RPAP3: variants seen among roughly 807,000 people sequenced by gnomAD.
RPAP3 encodes RNA polymerase II associated protein 3, also known as RNA polymerase II-associated protein 3.
In RPAP3, 58 loss-of-function variants were observed where a neutral mutation model predicts 88.8. That is an observed-to-expected ratio of 0.65 (90% CI 0.53 to 0.81). RPAP3 has a LOEUF of 0.81. Ranked by LOEUF, RPAP3 falls within the 40% of genes least tolerant of loss-of-function variation. The pLI is 0.00. For synonymous variants in RPAP3, 255 were observed against 259.9 expected (o/e 0.98, Z 0.18); for missense variants, 751 against 764.3 (o/e 0.98, Z 0.20).
intron 12 of RPAP3, among the ~76,000 whole-genome samples, chr12:47,677,615 C>G (rs565591919): frequency 6.6e-6 from 1 of 152,034 alleles, no homozygotes; most frequent in South Asian, 2.1e-4. Flanking sequence ...AGCAGAGAGA[C>G]AAATCATGAG....
At chr12:47,668,144 G>A (rs552795897) in intron 14 of RPAP3, among the ~76,000 whole-genome samples, 3 of 152,284 alleles carry the variant, frequency 2.0e-5, no homozygotes, top group African/African-American at 7.2e-5. Flanking sequence ...GCGGTGAGCT[G>A]AGATTGCGTC....
chr12:47,667,098 T>C lies in RPAP3; in HGVS notation c.1812-18A>G, dbSNP rs1343720466. The C allele has an allele frequency of 3.4e-6, 4 of 1,168,746 alleles. No individual in the cohort carries two copies. Among genetic ancestry groups the C allele is most frequent in the Admixed American group, 2.8e-5 (1 of 35,356 alleles). 72.4% of individuals were successfully genotyped at this position (1,168,746 alleles called of 1,614,324 possible). ...TTTCTTTCCTGAAATAATCCAAATATAGAAACAAATGATCAGTTAAAAGCA... is the reference window on the plus strand; with the variant it reads ...TTTCTTTCCTGAAATAATCCAAATACAGAAACAAATGATCAGTTAAAAGCA... On this transcript the variant is annotated intron_variant, in intron 15 of 16. Transcript: ENST00000005386.
In RPAP3 at chr12:47,690,589, C is replaced by T. The variant is rs555701427; in HGVS notation, c.596G>A (p.Ser199Asn). The change falls in exon 6 of 17, where the codon AGT (serine) becomes AAT (asparagine). Residue 199 changes from serine (S) to asparagine (N), a missense_variant. Transcript: ENST00000005386. ...DCNLAVALNR[S>N]YTKAYSRRGA... The stretch of plus-strand genomic sequence containing the variant: ...TCGTCTGGAATAAGCCTTTGTATAA[C>T]TTCTATTCAAGGCAACTGCTAAATT... The T allele has an allele frequency of 2.3e-5, 36 of 1,594,914 alleles. No homozygotes were observed. In the African/African-American group the frequency reaches 4.7e-4, roughly 21 times the overall value.
At chr12:47,686,750 G>C in intron 9 of RPAP3, 30 bp downstream of exon 9, 2 of 1,446,968 alleles carry the variant, frequency 1.4e-6, no homozygotes, top group Non-Finnish European at 1.8e-6. Flanking sequence ...TTTTTATCCT[G>C]AACAGCACTA....
At chr12:47,679,053 G>A (rs567222859) in intron 12 of RPAP3, among the ~76,000 whole-genome samples, 13 of 152,270 alleles carry the variant, frequency 8.5e-5, no homozygotes, top group African/African-American at 1.4e-4. Context: ...TATACACCAC[G>A]GAATACTATG....
chr12:47,663,649 G>C, intron 16 of RPAP3, 59 bp from the exon 17 acceptor site: 1 of 1,029,846 alleles, frequency 9.7e-7, no homozygotes, highest in East Asian at 2.5e-5. Context: ...CAAGCAAAAT[G>C]TAAATTAAAA....
At chr12:47,687,009 T>C in intron 8 of RPAP3, 102 bp from the exon 9 acceptor site, 3 of 670,792 alleles carry the variant, frequency 4.5e-6, no homozygotes, top group South Asian at 3.0e-5. Context: ...ACCAACAGTA[T>C]TTCAAGAAAG....
rs750869699 is a variant in RPAP3 at position 47,690,654 on chromosome 12, C to T, written c.546-15G>A. Reference sequence around the variant, plus strand: ...CAACAGCAAATCTGCAATTTAAAAACATTAAAATAAATAAAGTTAATAAAA... The same window carrying T: ...CAACAGCAAATCTGCAATTTAAAAATATTAAAATAAATAAAGTTAATAAAA... On this transcript the variant is annotated splice_polypyrimidine_tract_variant and intron_variant, in intron 5 of 16. Coordinates refer to ENST00000005386, the MANE Select transcript of RPAP3 (RefSeq NM_024604.3). 1 of 1,432,364 alleles carries T rather than the reference C, an allele frequency of 7.0e-7. No individual in the cohort carries two copies. The highest frequency in any genetic ancestry group is 9.3e-7 in the Non-Finnish European group (1 of 1,073,618). 88.7% of individuals were successfully genotyped at this position (1,432,364 alleles called of 1,614,324 possible). A position where few individuals can be genotyped will look rare whatever the true frequency, so the allele number is the denominator to read the frequency against.
intron 2 of RPAP3, among the ~76,000 whole-genome samples, chr12:47,701,998 A>T (rs997318304): frequency 2.6e-5 from 4 of 152,222 alleles, no homozygotes; most frequent in African/African-American, 9.6e-5. Flanking sequence ...ATGCAGTCTT[A>T]AGAAAAACTT....
chr12:47,698,747 A>G (rs1939586947), intron 3 of RPAP3, among the ~76,000 whole-genome samples: 1 of 152,182 alleles, frequency 6.6e-6, no homozygotes, highest in Non-Finnish European at 1.5e-5. Flanking sequence ...CCTAAGCCCA[A>G]GCAATCTGCC....
At chr12:47,679,851 T>G in intron 10 of RPAP3, 77 bp from the exon 11 acceptor site, 1 of 1,007,626 alleles carries the variant, frequency 9.9e-7, no homozygotes, top group Non-Finnish European at 1.5e-6. Flanking sequence ...ATTCATGATA[T>G]ATTCAGTTAG....
rs888137118 is a variant in RPAP3 at position 47,662,542 on chromosome 12, A to G, written c.*963T>C. 2 of 152,184 alleles carry G rather than the reference A, an allele frequency of 1.3e-5. No homozygotes were observed. Among genetic ancestry groups the G allele is most frequent in the African/African-American group, 4.8e-5 (2 of 41,466 alleles). 9.4% of individuals were successfully genotyped at this position (152,184 alleles called of 1,614,324 possible). A position where few individuals can be genotyped will look rare whatever the true frequency, so the allele number is the denominator to read the frequency against. ...GATAACAATTAAAGGATGGTGTCCTAATATTTTTTAACAACTTGATAGTCT... is the reference window on the plus strand; with the variant it reads ...GATAACAATTAAAGGATGGTGTCCTGATATTTTTTAACAACTTGATAGTCT... On this transcript the variant is annotated 3_prime_UTR_variant, in exon 17 of 17. Coordinates refer to ENST00000005386, the MANE Select transcript of RPAP3 (RefSeq NM_024604.3).
intron 12 of RPAP3, among the ~76,000 whole-genome samples, chr12:47,671,647 A>G (rs1297606379): frequency 6.6e-6 from 1 of 152,240 alleles, no homozygotes; most frequent in South Asian, 2.1e-4. Context: ...ATGCTTTGCT[A>G]AGAACTGTAT....
chr12:47,702,159 T>C (rs1011701712), intron 2 of RPAP3, among the ~76,000 whole-genome samples: 1 of 152,222 alleles, frequency 6.6e-6, no homozygotes, highest in African/African-American at 2.4e-5. Flanking sequence ...TATTATCACA[T>C]GATCATCCCT....
chr12:47,702,751 G>A lies in RPAP3; in HGVS notation c.90C>T (p.Asn30=). 1 of 1,612,492 alleles carries A rather than the reference G, an allele frequency of 6.2e-7. No homozygotes were observed. Among genetic ancestry groups the A allele is most frequent in the Non-Finnish European group, 8.5e-7 (1 of 1,178,990 alleles). Residue 30 remains asparagine, a synonymous_variant, in exon 2 of 17, where the codon AAC becomes AAT. Transcript: ENST00000005386. ...ELQDFMRDLE[N]WEKDIKQKDM... ...CCTTTTGTTTAATGTCTTTTTCCCA[G>A]TTTTCTAAATCCCGCATAAAGTCTT...
Position 47,702,761 on chromosome 12 carries a change from TC to T in RPAP3, c.79del (p.Asp27IlefsTer2). 1 of 1,612,842 alleles carries T rather than the reference TC, an allele frequency of 6.2e-7. No individual in the cohort carries two copies. The highest frequency in any genetic ancestry group is 8.5e-7 in the Non-Finnish European group (1 of 1,178,986). On this transcript the variant is annotated frameshift_variant, in exon 2 of 17. Coordinates refer to ENST00000005386, the MANE Select transcript of RPAP3 (RefSeq NM_024604.3). LOFTEE classifies it high-confidence loss of function. ...AATGTCTTTTTCCCAGTTTTCTAAATCCCGCATAAAGTCTTGTAATTCTTCT... is the reference window on the plus strand; with the variant it reads ...AATGTCTTTTTCCCAGTTTTCTAAATCCGCATAAAGTCTTGTAATTCTTCT... ...NAEELQDFMR[D>X]LENWEKDIKQ...
chr12:47,673,458 A>G (rs1413351106), intron 12 of RPAP3, among the ~76,000 whole-genome samples: 3 of 150,414 alleles, frequency 2.0e-5, no homozygotes, highest in African/African-American at 7.3e-5. Flanking sequence ...AAAAAAAAAA[A>G]AAAAAAAAAA....
At chr12:47,698,567 G>A (rs963839818) in intron 3 of RPAP3, among the ~76,000 whole-genome samples, 5 of 152,046 alleles carry the variant, frequency 3.3e-5, no homozygotes, top group African/African-American at 1.2e-4. Flanking sequence ...AGGCTGGAGT[G>A]CAGTAGTGTG....
chr12:47,697,702 C>T lies in RPAP3; in HGVS notation c.312G>A (p.Glu104=). ...CATGGGTACTATCGTCTTTGTCAAG[C>T]TCATCAAGGATACGGTCCTAAAATC... The part of the protein sequence containing the change: ...AKLDVDRILD[E]LDKDDSTHES... The change falls in exon 4 of 17, where the codon GAG becomes GAA. Residue 104 remains glutamate (E), a synonymous_variant. Coordinates refer to ENST00000005386, the MANE Select transcript of RPAP3 (RefSeq NM_024604.3). The T allele has an allele frequency of 6.2e-7, 1 of 1,602,930 alleles. No homozygotes were observed. Among genetic ancestry groups the T allele is most frequent in the Non-Finnish European group, 8.5e-7 (1 of 1,176,246 alleles).
Sources: gnomAD v4.1 joint callset for allele counts (sites outside exome capture counted in the v4.1 genomes callset) on GRCh38, gnomAD v4.1.1 for gene constraint, MANE v1.5 for transcripts, NCBI Gene and HGNC (gene_info 2026-07-23, HGNC 2026-07-21) for gene names.